Variants in ITSN1 observed in about 807,000 individuals in gnomAD.
The protein encoded by ITSN1 is intersectin-1.
Under a neutral mutation model 239.8 loss-of-function variants are expected in ITSN1, and 58 were observed. The observed-to-expected ratio is 0.24, with a 90% confidence interval of 0.20 to 0.30. ITSN1 has a LOEUF of 0.30. ITSN1 is among the 10% of genes least tolerant of loss of function. The pLI is 1.00. For missense variants in ITSN1, 1,558 were observed against 2,103.3 expected, an observed-to-expected ratio of 0.74 and a Z score of 5.07; for synonymous variants, 780 against 770.8, an observed-to-expected ratio of 1.01 and a Z score of -0.20.
chr21:33,708,949 CA>C (rs1374795135), intron 1 of ITSN1, among the ~76,000 whole-genome samples: 1 of 152,102 alleles, frequency 6.6e-6, no homozygotes, highest in African/African-American at 2.4e-5. Context: ...ACAACTTTGC[CA>C]AAAATCAGTT....
chr21:33,777,396 ATTG>A (rs1452243746), intron 14 of ITSN1, among the ~76,000 whole-genome samples: 5 of 152,038 alleles, frequency 3.3e-5, no homozygotes, highest in African/African-American at 1.2e-4. Flanking sequence ...ATTCTCTGTT[ATTG>A]TTCTTTTTAG....
In ITSN1 at chr21:33,829,655, C is replaced by T. The variant is rs2074177908; in HGVS notation, c.3261C>T (p.Ala1087=). 2 of 1,612,466 alleles carry T rather than the reference C, an allele frequency of 1.2e-6. No homozygotes were observed. The highest frequency in any genetic ancestry group is 1.7e-6 in the Non-Finnish European group (2 of 1,179,992). ...EIAQVIASYT[A]TGPEQLTLAP... is the part of the protein sequence containing the mutation. ...CCCAGGTTATTGCCTCATACACCGC[C>T]ACCGGCCCCGAGCAGCTCACTCTCG... Residue 1087 remains alanine, a synonymous_variant, in exon 27 of 40, where the codon GCC becomes GCT. Transcript: ENST00000381318.
chr21:33,834,238 G>C (rs902654021), intron 27 of ITSN1, 69 bp from the exon 28 acceptor site: 5 of 1,121,252 alleles, frequency 4.5e-6, no homozygotes, highest in Non-Finnish European at 6.8e-6. Context: ...TAAGTGCTCT[G>C]TTATAAAGTG....
chr21:33,817,814 G>T (rs949232365), intron 22 of ITSN1: 1 of 404,486 alleles, frequency 2.5e-6, no homozygotes, highest in Non-Finnish European at 4.2e-6. Flanking sequence ...ATTTCCCTGG[G>T]TCTACCTAAT....
intron 4 of ITSN1, among the ~76,000 whole-genome samples, chr21:33,731,155 G>A (rs1354634537): frequency 3.3e-5 from 5 of 152,206 alleles, no homozygotes; most frequent in Admixed American, 6.6e-5. Flanking sequence ...GAACCTCATG[G>A]TTAAGTTTCT....
chr21:33,788,302 A>G (rs1165522007), intron 16 of ITSN1, among the ~76,000 whole-genome samples: 1 of 152,140 alleles, frequency 6.6e-6, no homozygotes. Context: ...CCTTGCTCCA[A>G]TCTCCCTTAG....
intron 1 of ITSN1, among the ~76,000 whole-genome samples, chr21:33,672,032 G>A (rs909444219): frequency 4.0e-5 from 6 of 151,576 alleles, no homozygotes; most frequent in African/African-American, 1.5e-4. Flanking sequence ...ATCACCTGAG[G>A]TTGGGAGTTC....
Position 33,730,923 on chromosome 21 carries a change from T to A in ITSN1, c.186-4121T>A, listed in dbSNP as rs1211837360. 2.6e-5 allele frequency among the ~76,000 whole-genome samples: 4 copies of A among 151,428 alleles called. No individual in the cohort carries two copies. In the East Asian group the frequency reaches 7.8e-4, roughly 30 times the overall value. On this transcript the variant is annotated intron_variant, in intron 4 of 39. Transcript: ENST00000381318. ...GTTGGTCAGACTGGTCTCGAACTCC[T>A]GACCTCAGGTGATCCACCTGCCTCG...
chr21:33,816,224 T>A (rs2073260281), intron 22 of ITSN1, among the ~76,000 whole-genome samples: 1 of 152,040 alleles, frequency 6.6e-6, no homozygotes, highest in African/African-American at 2.4e-5. Flanking sequence ...CTGGCTTAAT[T>A]TAACCTGAGT....
At position 33,894,774 on chromosome 21, in the gene ITSN1, CAG is replaced by C. The variant is rs1453438808; in HGVS notation, c.*6476_*6477del. ...ATTTCCTGCCGTTCCTGTATCTAAA[CAG>C]AATGGGGGCCTCAGGCAGACAGGAA... is the stretch of plus-strand genomic sequence containing the variant. On this transcript the variant is annotated 3_prime_UTR_variant, in exon 40 of 40. Coordinates refer to ENST00000381318, the MANE Select transcript of ITSN1 (RefSeq NM_003024.3). The C allele has an allele frequency of 2.0e-5, 3 of 152,236 alleles. No homozygotes were observed. The highest frequency in any genetic ancestry group is 7.2e-5 in the African/African-American group (3 of 41,450). 9.4% of individuals were successfully genotyped at this position (152,236 alleles called of 1,614,324 possible). A position where few individuals can be genotyped will look rare whatever the true frequency, so the allele number is the denominator to read the frequency against.
rs180912368 is a variant in ITSN1 at position 33,850,778 on chromosome 21, G to A, written c.3662-5958G>A. Among the ~76,000 whole-genome samples, 15 of 152,264 alleles carry A rather than the reference G, an allele frequency of 9.9e-5. 1 individual carries two copies. The South Asian group carries it at 1.0e-3, about 11-fold the overall frequency. Reference sequence around the variant, plus strand: ...GTGGCTTCATCTGCTTTTCCTACACGACAGGCCACCCCACACCTACCAGGA... The same window carrying A: ...GTGGCTTCATCTGCTTTTCCTACACAACAGGCCACCCCACACCTACCAGGA... On this transcript the variant is annotated intron_variant, in intron 29 of 39. Coordinates refer to ENST00000381318, the MANE Select transcript of ITSN1 (RefSeq NM_003024.3).
rs527798123 is a variant in ITSN1 at position 33,826,638 on chromosome 21, A to G, written c.3184-180A>G. 2.0e-5 allele frequency among the ~76,000 whole-genome samples: 3 copies of G among 152,192 alleles called. No homozygotes were observed. The East Asian group carries it at 5.8e-4, about 29-fold the overall frequency. On this transcript the variant is annotated intron_variant, in intron 25 of 39. Coordinates refer to ENST00000381318, the MANE Select transcript of ITSN1 (RefSeq NM_003024.3). ...AAATGAGTAAAAGCCACATGTTTTA[A>G]TTATTTTTTTCCATGTTTTCCTGAT...
chr21:33,840,106 A>C lies in ITSN1; in HGVS notation c.3661+3474A>C, dbSNP rs150617487. Among the ~76,000 whole-genome samples the C allele has an allele frequency of 3.9e-3, 600 of 152,308 alleles. 1 individual carries two copies. Among genetic ancestry groups the C allele is most frequent in the Non-Finnish European group, 6.2e-3 (420 of 68,022 alleles). On this transcript the variant is annotated intron_variant, in intron 29 of 39. Coordinates refer to ENST00000381318, the MANE Select transcript of ITSN1 (RefSeq NM_003024.3). Reference sequence around the variant, plus strand: ...GCTCATGTCGTGTATCTGCAGCATCAAACGTATCTCAGAACCTTGGTTTTA... The same window carrying C: ...GCTCATGTCGTGTATCTGCAGCATCCAACGTATCTCAGAACCTTGGTTTTA...
At chr21:33,664,754 T>C (rs1394843740) in intron 1 of ITSN1, among the ~76,000 whole-genome samples, 4 of 152,228 alleles carry the variant, frequency 2.6e-5, no homozygotes, top group Non-Finnish European at 4.4e-5. Context: ...GTTATTATTC[T>C]TATCACCTGT....
chr21:33,892,308 G>A lies in ITSN1; in HGVS notation c.*4008G>A, dbSNP rs1986415375. 6.6e-6 allele frequency: 1 copy of A among 152,196 alleles called. No individual in the cohort carries two copies. The highest frequency in any genetic ancestry group is 1.5e-5 in the Non-Finnish European group (1 of 68,048). The allele number at this position is 152,196 out of a possible 1,614,324, so 9.4% of individuals were successfully genotyped here. On this transcript the variant is annotated 3_prime_UTR_variant, in exon 40 of 40. Coordinates refer to ENST00000381318, the MANE Select transcript of ITSN1 (RefSeq NM_003024.3). ...CTGAGCCACCATAAGAGGCATTAGG[G>A]AAAACTAACACCTCCTTCTTTTTGC... is the stretch of plus-strand genomic sequence containing the variant.
intron 1 of ITSN1, among the ~76,000 whole-genome samples, chr21:33,643,203 G>A (rs1351276764): frequency 6.6e-6 from 1 of 151,564 alleles, no homozygotes; most frequent in Non-Finnish European, 1.5e-5. Context: ...CTCCTTCCTC[G>A]GCCCCTCGCT....
chr21:33,879,095 C>T (rs1984477486), intron 34 of ITSN1, among the ~76,000 whole-genome samples: 1 of 152,144 alleles, frequency 6.6e-6, no homozygotes, highest in Admixed American at 6.5e-5. Flanking sequence ...GGCCTGTAAT[C>T]CCAGCACTTT....
intron 12 of ITSN1, among the ~76,000 whole-genome samples, chr21:33,773,398 C>G (rs1389763057): frequency 2.0e-5 from 3 of 152,134 alleles, no homozygotes; most frequent in Non-Finnish European, 4.4e-5. Context: ...AGCGCCATAC[C>G]TGGAAAGGGG....
At chr21:33,824,304 T>C (rs1212396525) in intron 25 of ITSN1, among the ~76,000 whole-genome samples, 1 of 152,216 alleles carries the variant, frequency 6.6e-6, no homozygotes, top group East Asian at 1.9e-4. Flanking sequence ...TTGAATGGAA[T>C]GGTGGGGTGG....
Sources: gnomAD v4.1 joint callset for allele counts (sites outside exome capture counted in the v4.1 genomes callset) on GRCh38, gnomAD v4.1.1 for gene constraint, MANE v1.5 for transcripts, NCBI Gene and HGNC (gene_info 2026-07-23, HGNC 2026-07-21) for gene names.